The following FHIT variants were observed in gnomAD, a reference collection of about 807,000 sequenced individuals.
The protein encoded by FHIT is fragile histidine triad diadenosine triphosphatase.
A neutral mutation model predicts 17.9 loss-of-function variants in FHIT; 19 were observed. That is an observed-to-expected ratio of 1.06 (90% CI 0.74 to 1.56). FHIT has a LOEUF of 1.56. Ranked by LOEUF, FHIT falls within the 40% of genes most tolerant of loss-of-function variation. The probability of loss-of-function intolerance (pLI) is 0.00; values close to 1 mark genes in which losing one functional copy is unlikely to be tolerated. For synonymous variants in FHIT, 81 were observed against 69.7 expected, an observed-to-expected ratio of 1.16 and a Z score of -0.81; for missense variants, 248 against 189.2, an observed-to-expected ratio of 1.31 and a Z score of -1.82.
intron 3 of FHIT, among the ~76,000 whole-genome samples, chr3:60,919,081 T>A (rs1312645777): frequency 6.6e-6 from 1 of 152,126 alleles, no homozygotes; most frequent in Admixed American, 6.5e-5. Context: ...ACCTTTAAAG[T>A]AAGCAAAGGG....
intron 8 of FHIT, among the ~76,000 whole-genome samples, chr3:59,897,047 C>T (rs1704103426): frequency 1.3e-5 from 2 of 152,074 alleles, no homozygotes; most frequent in African/African-American, 2.4e-5. Flanking sequence ...TGCCTCCCAC[C>T]CACCTTTCCA....
chr3:59,899,953 C>T (rs187460958), intron 8 of FHIT, among the ~76,000 whole-genome samples: 24 of 152,322 alleles, frequency 1.6e-4, no homozygotes, highest in African/African-American at 4.8e-4. Context: ...ATATTTTAGG[C>T]TTTGCCGGCC....
chr3:60,404,345 G>T (rs549318689), intron 5 of FHIT, among the ~76,000 whole-genome samples: 1 of 151,956 alleles, frequency 6.6e-6, no homozygotes, highest in Non-Finnish European at 1.5e-5. Flanking sequence ...ACAAAAATGT[G>T]CAGTTTAAAC....
intron 5 of FHIT, among the ~76,000 whole-genome samples, chr3:60,093,083 C>T (rs1049050293): frequency 1.3e-5 from 2 of 152,162 alleles, no homozygotes; most frequent in African/African-American, 2.4e-5. Context: ...GCTGCAGTAA[C>T]AGATTAACAC....
At chr3:60,385,211 T>G (rs572910668) in intron 5 of FHIT, among the ~76,000 whole-genome samples, 121 of 152,294 alleles carry the variant, frequency 7.9e-4, no homozygotes, top group African/African-American at 2.8e-3. Flanking sequence ...GATTAAAAAA[T>G]ACAAGGCAGC....
intron 5 of FHIT, among the ~76,000 whole-genome samples, chr3:60,222,150 A>T (rs1326788836): frequency 6.6e-6 from 1 of 152,152 alleles, no homozygotes; most frequent in African/African-American, 2.4e-5. Context: ...AATGTATTCA[A>T]ATCAACTCTT....
chr3:60,031,833 A>G (rs1395060651), intron 5 of FHIT, among the ~76,000 whole-genome samples: 1 of 152,244 alleles, frequency 6.6e-6, no homozygotes, highest in East Asian at 1.9e-4. Flanking sequence ...AAAAAATGAC[A>G]CACAGTTATT....
At chr3:60,659,866 C>T (rs28856691) in intron 4 of FHIT, among the ~76,000 whole-genome samples, 6,868 of 152,030 alleles carry the variant, frequency 0.045, 528 homozygotes, top group African/African-American at 0.15. Flanking sequence ...TGTTGAAAAC[C>T]GGACATTGAA....
chr3:60,150,119 C>CCTGAGTAG (rs200671007), intron 5 of FHIT, among the ~76,000 whole-genome samples: 2,422 of 150,110 alleles, frequency 0.016, 60 homozygotes, highest in African/African-American at 0.056. Context: ...CCTCAGCCTT[C>CCTGAGTAG]CTGAGTAGCT....
rs138496752 is a variant in FHIT, at chr3:60,617,114, T to C, written c.-17-80135A>G. On this transcript the variant is annotated intron_variant, in intron 4 of 9. Transcript: ENST00000492590. ...GTTCCCAATGAGCAGGACCTGAAGA[T>C]GTTTCTTCGTTCCAAAGGAGCTAGC... 1,880 of 219,320 alleles carry C rather than the reference T, an allele frequency of 8.6e-3. 17 individuals are homozygous for C. Among genetic ancestry groups the C allele is most frequent in the Non-Finnish European group, 0.012 (1,251 of 101,700 alleles). The allele number at this position is 219,320 out of a possible 1,614,324, so 13.6% of individuals were successfully genotyped here.
intron 8 of FHIT, among the ~76,000 whole-genome samples, chr3:59,902,795 G>T (rs6765118): frequency 0.012 from 1,773 of 152,222 alleles, 35 homozygotes; most frequent in African/African-American, 0.041. Context: ...GGCCAGGCAT[G>T]GGGGAAATGG....
chr3:60,529,145 G>A (rs138461078), intron 5 of FHIT, among the ~76,000 whole-genome samples: 1 of 152,144 alleles, frequency 6.6e-6, no homozygotes, highest in Non-Finnish European at 1.5e-5. Flanking sequence ...GTGCCCAGAA[G>A]CTATTTGCAA....
At chr3:60,979,653 T>G (rs1214852625) in intron 3 of FHIT, among the ~76,000 whole-genome samples, 1 of 152,158 alleles carries the variant, frequency 6.6e-6, no homozygotes. Context: ...CACTAAAGGG[T>G]CTCAGGGCAG....
intron 2 of FHIT, among the ~76,000 whole-genome samples, chr3:61,094,930 T>C (rs1043816989): frequency 6.6e-6 from 1 of 152,204 alleles, no homozygotes; most frequent in Non-Finnish European, 1.5e-5. Context: ...TTTCTGGAAT[T>C]TTATAGTTAA....
intron 7 of FHIT, among the ~76,000 whole-genome samples, chr3:60,005,145 T>A (rs1348607494): frequency 1.3e-5 from 2 of 152,176 alleles, no homozygotes; most frequent in Non-Finnish European, 2.9e-5. Flanking sequence ...CATCCCTGCT[T>A]CAGGATCTCT....
intron 2 of FHIT, among the ~76,000 whole-genome samples, chr3:61,199,227 T>C (rs1413604682): frequency 2.6e-5 from 4 of 152,152 alleles, no homozygotes; most frequent in Non-Finnish European, 5.9e-5. Context: ...TGTGCCTGTG[T>C]GGAAACATTC....
At chr3:60,651,457 TG>T (rs1553688260) in intron 4 of FHIT, among the ~76,000 whole-genome samples, 2 of 152,138 alleles carry the variant, frequency 1.3e-5, no homozygotes, top group African/African-American at 4.8e-5. Flanking sequence ...TTGGCCATTG[TG>T]GCCATCCTTT....
At chr3:60,321,156 G>A (rs183615569) in intron 5 of FHIT, among the ~76,000 whole-genome samples, 1 of 152,238 alleles carries the variant, frequency 6.6e-6, no homozygotes, top group Non-Finnish European at 1.5e-5. Flanking sequence ...TTCCCACCCT[G>A]CGAAGAATGG....
At chr3:60,184,842 CT>C (rs552453329) in intron 5 of FHIT, among the ~76,000 whole-genome samples, 42 of 152,204 alleles carry the variant, frequency 2.8e-4, no homozygotes, top group African/African-American at 9.9e-4. Flanking sequence ...TTATTCAAAT[CT>C]TTTTTTATAT....
Sources: allele counts gnomAD v4.1 joint callset (sites outside exome capture counted in the v4.1 genomes callset), GRCh38; gene constraint gnomAD v4.1.1; transcripts MANE v1.5; gene names NCBI Gene and HGNC (gene_info 2026-07-23, HGNC 2026-07-21).